PTPRN2: variants seen among roughly 807,000 people sequenced by gnomAD.
The protein encoded by PTPRN2 is receptor-type tyrosine-protein phosphatase N2.
In PTPRN2, 74 loss-of-function variants were observed where a neutral mutation model predicts 118.8. The observed-to-expected ratio is 0.62, with a 90% CI of 0.52 to 0.76. PTPRN2 has a LOEUF of 0.76. PTPRN2 is among the 30% of genes least tolerant of loss of function. PTPRN2 has a pLI of 0.00. For synonymous variants in PTPRN2, 641 were observed against 608.0 expected (o/e 1.05, Z -0.80); for missense variants, 1,481 against 1,394.4 (o/e 1.06, Z -0.99).
Position 157,564,096 on chromosome 7 carries a change from C to T in PTPRN2, c.2902+4806G>A, listed in dbSNP as rs117960523. ...AAGGTCTTTGTGACCTTGGATTTGG[C>T]CAATATATCTTGGGTATGATACTAA... is the stretch of plus-strand genomic sequence containing the variant. On this transcript the variant is annotated intron_variant, in intron 21 of 22. Coordinates refer to ENST00000389418, the MANE Select transcript of PTPRN2 (RefSeq NM_002847.5). Among the ~76,000 whole-genome samples the T allele has an allele frequency of 4.7e-3, 716 of 152,036 alleles. 5 individuals carry two copies. Among genetic ancestry groups the T allele is most frequent in the Non-Finnish European group, 8.6e-3 (585 of 68,008 alleles).
At chr7:158,452,995 C>A (rs1818193557) in intron 2 of PTPRN2, among the ~76,000 whole-genome samples, 4 of 152,276 alleles carry the variant, frequency 2.6e-5, no homozygotes, top group Non-Finnish European at 5.9e-5. Flanking sequence ...ATCACTGCAG[C>A]TGCAGGGCTG....
rs755549948 is a variant in PTPRN2, at chr7:158,133,868, A to T, written c.1365T>A (p.Asp455Glu). Residue 455 changes from aspartate to glutamate, a missense_variant, in exon 9 of 23, where the codon GAT (aspartate) becomes GAA (glutamate). Physicochemically the swap from Asp to Glu is conservative, Grantham distance 45. Transcript: ENST00000389418. ...ENVKSQTYSK[D>E]LLGQQPHSEP... ...CCGAATGCGGCTGCTGCCCCAGCAG[A>T]TCTTTGGAATACGTCTGGCTCTTGA... is the stretch of plus-strand genomic sequence containing the variant. 1.9e-6 allele frequency: 3 copies of T among 1,613,884 alleles called. No homozygotes were observed. The highest frequency in any genetic ancestry group is 2.5e-6 in the Non-Finnish European group (3 of 1,180,030).
rs147112119 is a variant in PTPRN2, at chr7:158,302,912, G to C, written c.277+13907C>G. Among the ~76,000 whole-genome samples the C allele has an allele frequency of 1.4e-4, 22 of 152,356 alleles. No homozygotes were observed. The East Asian group carries it at 4.0e-3, about 28-fold the overall frequency. On this transcript the variant is annotated intron_variant, in intron 3 of 22. Coordinates refer to ENST00000389418, the MANE Select transcript of PTPRN2 (RefSeq NM_002847.5). ...TGTGGCAGGAAATGACACAGAATGA[G>C]TGGGAGGCAGAGATGAGAATCCAAG...
intron 2 of PTPRN2, among the ~76,000 whole-genome samples, chr7:158,357,158 T>C (rs952294128): frequency 6.6e-6 from 1 of 152,226 alleles, no homozygotes; most frequent in Non-Finnish European, 1.5e-5. Context: ...ACGAATGATG[T>C]GAACACGGGG....
At chr7:158,422,234 T>A (rs953656050) in intron 2 of PTPRN2, among the ~76,000 whole-genome samples, 1 of 152,180 alleles carries the variant, frequency 6.6e-6, no homozygotes, top group Admixed American at 6.5e-5. Flanking sequence ...GAAATGCAGA[T>A]CAGAATGCAA....
At chr7:158,370,524 G>A (rs980834393) in intron 2 of PTPRN2, among the ~76,000 whole-genome samples, 5 of 151,840 alleles carry the variant, frequency 3.3e-5, no homozygotes, top group Admixed American at 3.3e-4. Flanking sequence ...AGGCCGAGGC[G>A]GGTGGATCAC....
intron 11 of PTPRN2, among the ~76,000 whole-genome samples, chr7:157,941,954 ACGGCACACCCTCCACACACGGGGGTCCC>A (rs1800156179): frequency 6.7e-6 from 1 of 149,046 alleles, no homozygotes; most frequent in African/African-American, 2.6e-5. Flanking sequence ...ACAGGGGTCC[ACGGCACACCCTCCACACACGGGGGTCCC>A]CAGCACACCT....
chr7:158,424,594 G>A (rs1390823135), intron 2 of PTPRN2, among the ~76,000 whole-genome samples: 1 of 152,222 alleles, frequency 6.6e-6, no homozygotes, highest in African/African-American at 2.4e-5. Context: ...ATGCCAGCAC[G>A]CGTAATGCCC....
intron 2 of PTPRN2, among the ~76,000 whole-genome samples, chr7:158,456,102 G>A (rs1036597817): frequency 6.9e-6 from 1 of 144,278 alleles, no homozygotes; most frequent in South Asian, 2.3e-4. Context: ...CCATCAATCT[G>A]CGGAGAAGAC....
chr7:157,626,432 A>C (rs1803572060), intron 14 of PTPRN2, among the ~76,000 whole-genome samples: 1 of 152,102 alleles, frequency 6.6e-6, no homozygotes, highest in African/African-American at 2.4e-5. Flanking sequence ...ATTTTTCTGT[A>C]ATGAACCGAC....
At chr7:157,805,202 C>T (rs973042146) in intron 12 of PTPRN2, among the ~76,000 whole-genome samples, 2 of 152,188 alleles carry the variant, frequency 1.3e-5, no homozygotes, top group South Asian at 4.1e-4. Flanking sequence ...TCCTCTCCCC[C>T]ACAGTGCTTC....
At position 157,893,316 on chromosome 7, in the gene PTPRN2, T is replaced by C. The variant is rs184983022; in HGVS notation, c.1788+5357A>G. Among the ~76,000 whole-genome samples, 13 of 152,310 alleles carry C rather than the reference T, an allele frequency of 8.5e-5. No homozygotes were observed. The East Asian group carries it at 2.5e-3, about 29-fold the overall frequency. On this transcript the variant is annotated intron_variant, in intron 12 of 22. Coordinates refer to ENST00000389418, the MANE Select transcript of PTPRN2 (RefSeq NM_002847.5). This position sits in a 1 kb window ranked among gnomAD's most constrained non-coding sequence, Gnocchi z 4.0. Reference sequence around the variant, plus strand: ...AGAGAGGACACAGGTTGGATGTGGATGGAAGCAGAGGTGTGGTGCTGTGCA... The same window carrying C: ...AGAGAGGACACAGGTTGGATGTGGACGGAAGCAGAGGTGTGGTGCTGTGCA...
intron 13 of PTPRN2, among the ~76,000 whole-genome samples, chr7:157,675,347 A>T (rs1211882226): frequency 6.6e-6 from 1 of 152,092 alleles, no homozygotes; most frequent in Non-Finnish European, 1.5e-5. Flanking sequence ...CAGATGCCCG[A>T]GGCTGCACCT....
chr7:158,422,585 C>G (rs1317211028), intron 2 of PTPRN2, among the ~76,000 whole-genome samples: 1 of 152,266 alleles, frequency 6.6e-6, no homozygotes, highest in African/African-American at 2.4e-5. Flanking sequence ...CATCTGAAGG[C>G]CTCAGCAGCT....
intron 12 of PTPRN2, among the ~76,000 whole-genome samples, chr7:157,697,047 A>G (rs577210425): frequency 2.2e-4 from 9 of 40,814 alleles, no homozygotes; most frequent in South Asian, 2.0e-3. Flanking sequence ...AGCCCTCACC[A>G]TCTACCCATG....
In PTPRN2 at chr7:158,371,941, C is replaced by T. The variant is rs577696449; in HGVS notation, c.164-55009G>A. Among the ~76,000 whole-genome samples, 19 of 152,344 alleles carry T rather than the reference C, an allele frequency of 1.2e-4. No homozygotes were observed. The East Asian group carries it at 1.4e-3, about 11-fold the overall frequency. On this transcript the variant is annotated intron_variant, in intron 2 of 22. Coordinates refer to ENST00000389418, the MANE Select transcript of PTPRN2 (RefSeq NM_002847.5). ...ATGAACCTCACACAGCTGGACGTAG[C>T]GCACTCAGCGTCCGTCGTGGCCCCG...
At chr7:157,931,569 A>G (rs1799358974) in intron 11 of PTPRN2, among the ~76,000 whole-genome samples, 1 of 152,210 alleles carries the variant, frequency 6.6e-6, no homozygotes, top group South Asian at 2.1e-4. Flanking sequence ...GGGCTAGAGC[A>G]TTAACTCTAA....
chr7:158,233,073 C>T (rs1829271673), intron 3 of PTPRN2, among the ~76,000 whole-genome samples: 1 of 152,108 alleles, frequency 6.6e-6, no homozygotes, highest in Admixed American at 6.5e-5. Context: ...AAGTCCTGAC[C>T]ACAGCAATTA....
intron 17 of PTPRN2, 126 bp downstream of exon 17, chr7:157,595,112 A>G (rs983444102): frequency 2.4e-6 from 2 of 841,102 alleles, no homozygotes; most frequent in African/African-American, 1.7e-5. Flanking sequence ...AAATTCTGAT[A>G]TAAGTAACAT....
Sources: allele counts gnomAD v4.1 joint callset (sites outside exome capture counted in the v4.1 genomes callset), GRCh38; gene constraint gnomAD v4.1.1; non-coding constraint Gnocchi (gnomAD v3.1); transcripts MANE v1.5; gene names NCBI Gene and HGNC (gene_info 2026-07-23, HGNC 2026-07-21).